NSD3: variants seen among roughly 807,000 people sequenced by gnomAD.
The protein encoded by NSD3 is nuclear receptor binding SET domain protein 3, also known as histone-lysine N-methyltransferase NSD3.
A neutral mutation model predicts 160.8 loss-of-function variants in NSD3; 24 were observed. The observed-to-expected ratio is 0.15, with a 90% CI of 0.11 to 0.21. NSD3 has a LOEUF of 0.21. NSD3 is among the 10% of genes least tolerant of loss of function. The pLI is 1.00. For missense variants in NSD3, 1,157 were observed against 1,735.9 expected (o/e 0.67, Z 5.93); for synonymous variants, 520 against 600.0 (o/e 0.87, Z 1.95).
intron 1 of NSD3, among the ~76,000 whole-genome samples, chr8:38,352,522 G>A (rs1156642154): frequency 6.6e-6 from 1 of 152,176 alleles, no homozygotes; most frequent in Non-Finnish European, 1.5e-5. Context: ...GGGGCTAGGT[G>A]GCCTGCTTAA....
In NSD3 at chr8:38,319,727, C is replaced by T. The variant is rs1292690159; in HGVS notation, c.1810-787G>A. 6.6e-6 allele frequency: 1 copy of T among 152,100 alleles called. No individual in the cohort carries two copies. The highest frequency in any genetic ancestry group is 2.4e-5 in the African/African-American group (1 of 41,420). The allele number at this position is 152,100 out of a possible 1,614,324, so 9.4% of individuals were successfully genotyped here. On this transcript the variant is annotated intron_variant, in intron 8 of 23. Transcript: ENST00000317025. This position sits in a 1 kb window ranked among gnomAD's most constrained non-coding sequence, Gnocchi z 4.1. ...GTGGTGAAATATGAATGTTGAAACACATTTTGTAAATATTTAAGGATTGTT... is the reference window on the plus strand; with the variant it reads ...GTGGTGAAATATGAATGTTGAAACATATTTTGTAAATATTTAAGGATTGTT...
intron 19 of NSD3, among the ~76,000 whole-genome samples, chr8:38,285,857 C>A (rs1808842814): frequency 1.3e-5 from 2 of 152,160 alleles, no homozygotes; most frequent in Admixed American, 1.3e-4. Flanking sequence ...TCCCTCCTGG[C>A]TCAACTACAA....
chr8:38,312,151 G>C (rs1384840310), intron 12 of NSD3, among the ~76,000 whole-genome samples: 2 of 152,146 alleles, frequency 1.3e-5, no homozygotes, highest in African/African-American at 4.8e-5. Flanking sequence ...CTATATGTCT[G>C]TCTTTATGCC....
chr8:38,299,808 AC>A, intron 14 of NSD3: 1 of 382,272 alleles, frequency 2.6e-6, no homozygotes, highest in Non-Finnish European at 4.6e-6. Flanking sequence ...TATTATAGAA[AC>A]CTAAATTCTG....
At position 38,279,843 on chromosome 8, in the gene NSD3, CTCCTTTATT is replaced by C. The variant is rs1378523025; in HGVS notation, c.3619-171_3619-163del. The C allele has an allele frequency of 8.6e-6, 6 of 696,782 alleles. No homozygotes were observed. In the East Asian group the frequency reaches 1.7e-4, roughly 19 times the overall value. The allele number at this position is 696,782 out of a possible 1,614,324, so 43.2% of individuals were successfully genotyped here. A position where few individuals can be genotyped will look rare whatever the true frequency, so the allele number is the denominator to read the frequency against. ...CTGCCTGGGTAATTTACTAAGTTCT[CTCCTTTATT>C]TGATGACCTTCAAGTCAAAGTAATT... On this transcript the variant is annotated intron_variant, in intron 20 of 23. Transcript: ENST00000317025.
At position 38,317,721 on chromosome 8, in the gene NSD3, C is replaced by T; in HGVS notation, c.1855+1174G>A. The T allele has an allele frequency of 5.2e-6, 7 of 1,356,912 alleles. No homozygotes were observed. The highest frequency in any genetic ancestry group is 6.6e-6 in the Non-Finnish European group (7 of 1,053,216). 84.1% of individuals were successfully genotyped at this position (1,356,912 alleles called of 1,614,324 possible). On this transcript the variant is annotated intron_variant, in intron 9 of 23. Coordinates refer to ENST00000317025, the MANE Select transcript of NSD3 (RefSeq NM_023034.2). The surrounding 1 kb of genome is among the most constrained non-coding windows in gnomAD (Gnocchi z 5.3). ...TGTAAGTTAAATGGTGGTTTTTAGG[C>T]TGGACCCATGATTTAAGCTGTACCC...
Position 38,318,480 on chromosome 8 carries a change from G to A in NSD3, c.1855+415C>T, listed in dbSNP as rs1202503204. ...ATTTTACAGCACTGTAAAAATAAATGTGGCAAGATTTTTTCAATCAGCTTG... is the reference window on the plus strand; with the variant it reads ...ATTTTACAGCACTGTAAAAATAAATATGGCAAGATTTTTTCAATCAGCTTG... On this transcript the variant is annotated intron_variant, in intron 9 of 23. Coordinates refer to ENST00000317025, the MANE Select transcript of NSD3 (RefSeq NM_023034.2). The surrounding 1 kb of genome is among the most constrained non-coding windows in gnomAD (Gnocchi z 5.3). Among the ~76,000 whole-genome samples the A allele has an allele frequency of 6.6e-6, 1 of 152,124 alleles. No individual in the cohort carries two copies. The highest frequency in any genetic ancestry group is 1.5e-5 in the Non-Finnish European group (1 of 68,028).
chr8:38,299,438 T>C lies in NSD3; in HGVS notation c.2758+6A>G. On this transcript the variant is annotated splice_donor_region_variant and intron_variant, in intron 15 of 23. Transcript: ENST00000317025. ...TAAAAGCAAGAGAAACTATTTTGAT[T>C]ATTACCTTTCTCACATTTCTTTTTG... 1 of 1,610,102 alleles carries C rather than the reference T, an allele frequency of 6.2e-7. No individual in the cohort carries two copies. The highest frequency in any genetic ancestry group is 8.5e-7 in the Non-Finnish European group (1 of 1,178,810).
At chr8:38,361,667 A>G (rs2150390556) in intron 1 of NSD3, among the ~76,000 whole-genome samples, 1 of 146,856 alleles carries the variant, frequency 6.8e-6, no homozygotes, top group East Asian at 2.2e-4. Context: ...AGGCAGGAGA[A>G]TGGAGTGAAC....
intron 19 of NSD3, 40 bp from the exon 20 acceptor site, chr8:38,281,623 A>T: frequency 1.4e-6 from 2 of 1,414,344 alleles, no homozygotes; most frequent in Non-Finnish European, 2.0e-6. Flanking sequence ...AAATCAGTGT[A>T]TTATATAAAG....
chr8:38,358,550 T>A (rs1810880582), intron 1 of NSD3, among the ~76,000 whole-genome samples: 2 of 152,120 alleles, frequency 1.3e-5, no homozygotes, highest in African/African-American at 4.8e-5. Flanking sequence ...AAACATTATT[T>A]AAAAAAATTT....
intron 1 of NSD3, among the ~76,000 whole-genome samples, chr8:38,360,260 C>T (rs536243531): frequency 6.6e-6 from 1 of 152,282 alleles, no homozygotes; most frequent in East Asian, 1.9e-4. Context: ...GCTGGGATTA[C>T]AGCCATGAGC....
chr8:38,328,401 A>G (rs2150374911), intron 6 of NSD3, among the ~76,000 whole-genome samples: 1 of 152,284 alleles, frequency 6.6e-6, no homozygotes, highest in Middle Eastern at 3.4e-3. Context: ...TGCTATTTGA[A>G]AGATGAAAAA....
chr8:38,324,827 G>A (rs1809869482), intron 7 of NSD3, among the ~76,000 whole-genome samples: 1 of 152,126 alleles, frequency 6.6e-6, no homozygotes, highest in African/African-American at 2.4e-5. Context: ...ATGCCTACAT[G>A]ATAAAGCCTC....
chr8:38,367,003 TAAG>T (rs1461133244), intron 1 of NSD3, among the ~76,000 whole-genome samples: 1 of 152,158 alleles, frequency 6.6e-6, no homozygotes, highest in East Asian at 1.9e-4. Flanking sequence ...TTATATTAAA[TAAG>T]AATTATAAAT....
intron 12 of NSD3, among the ~76,000 whole-genome samples, chr8:38,310,491 CA>C (rs1259404994): frequency 6.6e-6 from 1 of 151,994 alleles, no homozygotes; most frequent in Non-Finnish European, 1.5e-5. Flanking sequence ...ATGAATATGA[CA>C]GTACAAATAT....
chr8:38,373,049 C>CA (rs11308161), intron 1 of NSD3, among the ~76,000 whole-genome samples: 1,586 of 107,116 alleles, frequency 0.015, 15 homozygotes, highest in South Asian at 0.041. Context: ...AGACTCCTCT[C>CA]AAAAAAAAAA....
chr8:38,354,995 C>T (rs879558950), intron 1 of NSD3, among the ~76,000 whole-genome samples: 3 of 152,172 alleles, frequency 2.0e-5, no homozygotes, highest in Non-Finnish European at 4.4e-5. Context: ...TTTGGGACTA[C>T]ATGTAAATTT....
At chr8:38,298,493 A>G (rs564729260) in intron 15 of NSD3, among the ~76,000 whole-genome samples, 1 of 152,292 alleles carries the variant, frequency 6.6e-6, no homozygotes, top group African/African-American at 2.4e-5. Flanking sequence ...CAGGCAACAC[A>G]AAGAATTTTT....
Sources: allele counts gnomAD v4.1 joint callset (sites outside exome capture counted in the v4.1 genomes callset), GRCh38; gene constraint gnomAD v4.1.1; non-coding constraint Gnocchi (gnomAD v3.1); transcripts MANE v1.5; gene names NCBI Gene and HGNC (gene_info 2026-07-23, HGNC 2026-07-21).